The following TPD52L1 variants were observed in gnomAD, a reference collection of about 807,000 sequenced individuals.
The protein encoded by TPD52L1 is TPD52 like 1, also known as tumor protein D53.
TPD52L1 carries 18 observed loss-of-function variants against 28.7 expected under a neutral mutation model. The observed-to-expected ratio is 0.63, with a 90% CI of 0.43 to 0.93. The LOEUF is 0.93. TPD52L1 is among the 40% of genes least tolerant of loss of function. The pLI is 0.00. For synonymous variants in TPD52L1, 75 were observed against 88.8 expected (o/e 0.84, Z 0.88); for missense variants, 203 against 254.8 (o/e 0.80, Z 1.39).
intron 3 of TPD52L1, among the ~76,000 whole-genome samples, chr6:125,232,887 C>G (rs1796031105): frequency 6.6e-6 from 1 of 152,006 alleles, no homozygotes. Context: ...TAAGAACATA[C>G]AAAAAAGTCC....
chr6:125,209,051 A>G (rs1794341136), intron 1 of TPD52L1: 1 of 700,504 alleles, frequency 1.4e-6, no homozygotes, highest in Non-Finnish European at 1.8e-6. Flanking sequence ...TTTATTTCCC[A>G]TACACAGCCT....
chr6:125,211,441 G>A lies in TPD52L1; in HGVS notation c.20-8637G>A, dbSNP rs186787264. Reference sequence around the variant, plus strand: ...CTGATTTCAAAGATGTTAAATGTGAGAAAAAAAAAGTCTGTGCTGCAATAT... The same window carrying A: ...CTGATTTCAAAGATGTTAAATGTGAAAAAAAAAAAGTCTGTGCTGCAATAT... On this transcript the variant is annotated intron_variant, in intron 1 of 6. Coordinates refer to ENST00000534000, the MANE Select transcript of TPD52L1 (RefSeq NM_003287.4). 6.0e-3 allele frequency among the ~76,000 whole-genome samples: 910 copies of A among 151,600 alleles called. 12 individuals are homozygous for A. The highest frequency in any genetic ancestry group is 0.021 in the African/African-American group (853 of 41,340).
At chr6:125,216,060 G>A (rs1562302124) in intron 1 of TPD52L1, among the ~76,000 whole-genome samples, 1 of 152,102 alleles carries the variant, frequency 6.6e-6, no homozygotes, top group African/African-American at 2.4e-5. Context: ...TTACTTTCTG[G>A]GTCTATCTCT....
chr6:125,236,056 T>G (rs988900880), intron 3 of TPD52L1, among the ~76,000 whole-genome samples: 6 of 152,204 alleles, frequency 3.9e-5, no homozygotes, highest in African/African-American at 1.4e-4. Context: ...GCAAGACATT[T>G]TAATGGAAAG....
intron 1 of TPD52L1, among the ~76,000 whole-genome samples, chr6:125,171,067 G>A (rs1332657719): frequency 6.6e-6 from 1 of 152,150 alleles, no homozygotes; most frequent in East Asian, 1.9e-4. Context: ...ACACAGGCTA[G>A]GAAACTAGTT....
chr6:125,190,783 C>G (rs1285591506), intron 1 of TPD52L1, among the ~76,000 whole-genome samples: 1 of 152,110 alleles, frequency 6.6e-6, no homozygotes, highest in East Asian at 1.9e-4. Flanking sequence ...GAATCAAATG[C>G]TGCCACTGAT....
chr6:125,198,147 C>CT (rs1177085325), intron 1 of TPD52L1, among the ~76,000 whole-genome samples: 2 of 152,288 alleles, frequency 1.3e-5, no homozygotes, highest in African/African-American at 4.8e-5. Flanking sequence ...AGCCGAAGCT[C>CT]TGTCTACCTT....
At chr6:125,253,993 C>A (rs1399487007) in intron 5 of TPD52L1, 2 of 710,932 alleles carry the variant, frequency 2.8e-6, no homozygotes, top group African/African-American at 1.7e-5. Flanking sequence ...AACCTCAATT[C>A]TTTTATCCAT....
intron 1 of TPD52L1, among the ~76,000 whole-genome samples, chr6:125,192,311 CA>C (rs1301437187): frequency 6.9e-6 from 1 of 145,846 alleles, no homozygotes; most frequent in Admixed American, 7.3e-5. Flanking sequence ...AGAACAACAA[CA>C]AAAAAAATCT....
rs187366109 is a variant in TPD52L1 at position 125,214,506 on chromosome 6, G to T, written c.20-5572G>T. ...AAGGGGTATCTAAGGGGAACTGCTT[G>T]GGCTGGATGTCCTGGGCTTGGCTTT... On this transcript the variant is annotated intron_variant, in intron 1 of 6. Coordinates refer to ENST00000534000, the MANE Select transcript of TPD52L1 (RefSeq NM_003287.4). 2.2e-5 allele frequency: 21 copies of T among 955,128 alleles called. No individual in the cohort carries two copies. In the East Asian group the frequency reaches 2.2e-3, roughly 100 times the overall value. The allele number at this position is 955,128 out of a possible 1,614,324, so 59.2% of individuals were successfully genotyped here. A position where few individuals can be genotyped will look rare whatever the true frequency, so the allele number is the denominator to read the frequency against.
At chr6:125,237,467 G>A (rs888072056) in intron 3 of TPD52L1, among the ~76,000 whole-genome samples, 2 of 152,256 alleles carry the variant, frequency 1.3e-5, no homozygotes, top group South Asian at 2.1e-4. Flanking sequence ...AAACAGAAAG[G>A]TTAAAGATGA....
At chr6:125,256,264 C>T (rs9388413) in intron 5 of TPD52L1, among the ~76,000 whole-genome samples, 42,881 of 151,770 alleles carry the variant, frequency 0.28, 6,347 homozygotes, top group Admixed American at 0.41. Context: ...GCAGGAGAAT[C>T]GCTTGAACCT....
intron 2 of TPD52L1, among the ~76,000 whole-genome samples, chr6:125,228,482 C>G (rs759231897): frequency 5.3e-5 from 8 of 152,186 alleles, no homozygotes; most frequent in Non-Finnish European, 1.0e-4. Flanking sequence ...ATTAGCTTGG[C>G]AAAACCCCAT....
At chr6:125,192,957 G>A (rs1381801100) in intron 1 of TPD52L1, among the ~76,000 whole-genome samples, 1 of 152,198 alleles carries the variant, frequency 6.6e-6, no homozygotes, top group Non-Finnish European at 1.5e-5. Flanking sequence ...AATAATCATT[G>A]CTAACATCTA....
chr6:125,213,596 C>T (rs1020627018), intron 1 of TPD52L1, among the ~76,000 whole-genome samples: 1 of 152,120 alleles, frequency 6.6e-6, no homozygotes, highest in Admixed American at 6.5e-5. Flanking sequence ...TGCAGGAGCA[C>T]CAACTTCTTG....
chr6:125,196,057 C>T (rs2114877908), intron 1 of TPD52L1, among the ~76,000 whole-genome samples: 1 of 152,218 alleles, frequency 6.6e-6, no homozygotes. Flanking sequence ...ACATTGGCTG[C>T]CCATCAGTGT....
At chr6:125,213,094 C>A (rs765037706) in intron 1 of TPD52L1, among the ~76,000 whole-genome samples, 32 of 152,116 alleles carry the variant, frequency 2.1e-4, no homozygotes, top group Admixed American at 3.3e-4. Context: ...ATTTACACTA[C>A]AGCTTGGTAT....
At chr6:125,160,408 G>A (rs1790442144) in intron 1 of TPD52L1, among the ~76,000 whole-genome samples, 2 of 152,152 alleles carry the variant, frequency 1.3e-5, no homozygotes, top group South Asian at 4.1e-4. Context: ...TGCCTAGGCT[G>A]AAGTACAGTG....
At chr6:125,159,944 C>T (rs1209623679) in intron 1 of TPD52L1, among the ~76,000 whole-genome samples, 2 of 152,088 alleles carry the variant, frequency 1.3e-5, no homozygotes, top group Admixed American at 6.6e-5. Context: ...ATCATAGGTG[C>T]CGGTCTTTCC....
Sources: allele counts gnomAD v4.1 joint callset (sites outside exome capture counted in the v4.1 genomes callset), GRCh38; gene constraint gnomAD v4.1.1; transcripts MANE v1.5; gene names NCBI Gene and HGNC (gene_info 2026-07-23, HGNC 2026-07-21).